The following RPH3AL variants were observed in gnomAD, a reference collection of about 807,000 sequenced individuals.
RPH3AL encodes the protein rabphilin 3A like (without C2 domains), also known as rab effector Noc2.
A neutral mutation model predicts 43.1 loss-of-function variants in RPH3AL; 38 were observed. That is an observed-to-expected ratio of 0.88 (90% CI 0.68 to 1.15). The LOEUF is 1.15. Among genes scored for constraint, RPH3AL ranks in the 50% most tolerant of loss-of-function variants. The pLI is 0.00. For missense variants in RPH3AL, 462 were observed against 423.2 expected, an observed-to-expected ratio of 1.09 and a Z score of -0.81; for synonymous variants, 189 against 176.3, an observed-to-expected ratio of 1.07 and a Z score of -0.57.
chr17:302,150 C>T (rs903199082), intron 5 of RPH3AL, among the ~76,000 whole-genome samples: 10 of 152,244 alleles, frequency 6.6e-5, no homozygotes, highest in Non-Finnish European at 8.8e-5. Flanking sequence ...GCTGCCACTG[C>T]GGCATCTGCG....
intron 3 of RPH3AL, among the ~76,000 whole-genome samples, chr17:325,061 G>T (rs111274364): frequency 1.3e-5 from 2 of 151,760 alleles, no homozygotes; most frequent in Admixed American, 6.6e-5. Flanking sequence ...GTTTCACCGC[G>T]TTGGTCAGGC....
intron 6 of RPH3AL, among the ~76,000 whole-genome samples, chr17:275,404 G>T (rs1055355198): frequency 6.6e-6 from 1 of 152,006 alleles, no homozygotes; most frequent in Non-Finnish European, 1.5e-5. Context: ...GAATAAAGAA[G>T]AAATGCACAG....
chr17:249,715 A>C (rs1555541534), intron 6 of RPH3AL, among the ~76,000 whole-genome samples: 1 of 151,946 alleles, frequency 6.6e-6, no homozygotes, highest in Non-Finnish European at 1.5e-5. Context: ...CATACTCTTG[A>C]AAAGCACTAG....
intron 6 of RPH3AL, among the ~76,000 whole-genome samples, chr17:271,291 A>T (rs2042457507): frequency 6.6e-6 from 1 of 152,178 alleles, no homozygotes; most frequent in Non-Finnish European, 1.5e-5. Flanking sequence ...ACTTTAAAGT[A>T]GTTTTTTCCA....
At chr17:320,980 G>T (rs1292858726) in intron 4 of RPH3AL, among the ~76,000 whole-genome samples, 1 of 152,166 alleles carries the variant, frequency 6.6e-6, no homozygotes, top group Non-Finnish European at 1.5e-5. Context: ...GTGCACAGCC[G>T]AACAGCTCCT....
intron 7 of RPH3AL, among the ~76,000 whole-genome samples, chr17:241,721 CTTTTTTTT>C (rs58397357): frequency 7.5e-6 from 1 of 134,012 alleles, no homozygotes; most frequent in African/African-American, 2.8e-5. Context: ...CTTTTTTTTT[CTTTTTTTT>C]TTTTTTTGAG....
intron 7 of RPH3AL, among the ~76,000 whole-genome samples, chr17:226,325 A>G (rs1226463284): frequency 6.6e-6 from 1 of 151,544 alleles, no homozygotes; most frequent in Non-Finnish European, 1.5e-5. Context: ...CATTAGATGC[A>G]TCCTCCCTGG....
chr17:292,161 G>C (rs751515589), intron 5 of RPH3AL, among the ~76,000 whole-genome samples: 1 of 152,110 alleles, frequency 6.6e-6, no homozygotes, highest in Non-Finnish European at 1.5e-5. Context: ...CCCCACAGCG[G>C]GTCCCAGATG....
chr17:253,461 C>T (rs905159774), intron 6 of RPH3AL, among the ~76,000 whole-genome samples: 1 of 152,146 alleles, frequency 6.6e-6, no homozygotes, highest in Admixed American at 6.5e-5. Context: ...CTTTGCGGCA[C>T]CGGACCACGG....
intron 5 of RPH3AL, among the ~76,000 whole-genome samples, chr17:318,300 T>C (rs1456617172): frequency 2.6e-5 from 4 of 152,150 alleles, no homozygotes; most frequent in Non-Finnish European, 1.5e-5. Flanking sequence ...GAGAATCACT[T>C]GAACCTGGAG....
At chr17:301,128 G>A (rs570177801) in intron 5 of RPH3AL, among the ~76,000 whole-genome samples, 1 of 152,384 alleles carries the variant, frequency 6.6e-6, no homozygotes, top group African/African-American at 2.4e-5. Context: ...CTCTCACTCT[G>A]GATGCTCCGC....
chr17:237,775 C>T (rs1190271305), intron 7 of RPH3AL, among the ~76,000 whole-genome samples: 1 of 152,214 alleles, frequency 6.6e-6, no homozygotes, highest in African/African-American at 2.4e-5. Context: ...GGTCCTGGCC[C>T]CCACCTGAGA....
rs1045840840 is a variant in RPH3AL, at chr17:323,795, G to A, written c.78-2380C>T. ...TCCATCGGACCCTCACAGTCACCCC[G>A]AGGCAGGCCCGGACCCTCCATCACC... On this transcript the variant is annotated intron_variant, in intron 3 of 9. Coordinates refer to ENST00000331302, the MANE Select transcript of RPH3AL (RefSeq NM_006987.4). The surrounding 1 kb of genome is among the most constrained non-coding windows in gnomAD (Gnocchi z 4.4). 6.6e-6 allele frequency among the ~76,000 whole-genome samples: 1 copy of A among 151,610 alleles called. No homozygotes were observed. Among genetic ancestry groups the A allele is most frequent in the Non-Finnish European group, 1.5e-5 (1 of 67,840 alleles).
intron 6 of RPH3AL, among the ~76,000 whole-genome samples, chr17:266,894 G>GC (rs2042338414): frequency 6.6e-6 from 1 of 152,226 alleles, no homozygotes; most frequent in African/African-American, 2.4e-5. Flanking sequence ...GGGAGGTGTT[G>GC]CCCAACGCTG....
chr17:332,105 ATTT>A (rs765933505), intron 2 of RPH3AL: 1 of 350,890 alleles, frequency 2.8e-6, no homozygotes, highest in Non-Finnish European at 5.6e-6. Context: ...GACGGAGGAG[ATTT>A]TGTGGACAGG....
chr17:298,932 C>A (rs1412756099), intron 5 of RPH3AL, among the ~76,000 whole-genome samples: 1 of 152,024 alleles, frequency 6.6e-6, no homozygotes, highest in Non-Finnish European at 1.5e-5. Context: ...CCTTAGAAAT[C>A]CCAGCTGGGG....
chr17:280,676 T>C (rs377464402), intron 6 of RPH3AL, among the ~76,000 whole-genome samples: 2 of 152,120 alleles, frequency 1.3e-5, no homozygotes, highest in African/African-American at 4.8e-5. Context: ...CAATGGGGAA[T>C]TGATCTCAAG....
intron 7 of RPH3AL, among the ~76,000 whole-genome samples, chr17:221,601 G>A (rs796887444): frequency 1.5e-3 from 82 of 55,502 alleles, no homozygotes; most frequent in African/African-American, 2.8e-3. Flanking sequence ...GCCTCCACTC[G>A]GTGAGACAAT....
intron 2 of RPH3AL, chr17:332,940 G>A (rs1184783316): frequency 1.8e-6 from 2 of 1,114,070 alleles, no homozygotes; most frequent in Non-Finnish European, 2.4e-6. Context: ...GAGGGGTACA[G>A]GGAACGGAAC....
Sources: gnomAD v4.1 joint callset for allele counts (sites outside exome capture counted in the v4.1 genomes callset) on GRCh38, gnomAD v4.1.1 for gene constraint, Gnocchi (gnomAD v3.1) non-coding constraint, MANE v1.5 for transcripts, NCBI Gene and HGNC (gene_info 2026-07-23, HGNC 2026-07-21) for gene names.